Variants in KIAA0825 observed in about 807,000 individuals in gnomAD.
KIAA0825 encodes the protein KIAA0825.
Under a neutral mutation model 147.6 loss-of-function variants are expected in KIAA0825, and 119 were observed. The ratio of observed to expected loss-of-function variants is 0.81; its 90% CI spans 0.69 to 0.94. The LOEUF (loss-of-function observed/expected upper bound fraction) is 0.94. Ranked by LOEUF, KIAA0825 falls within the 40% of genes least tolerant of loss-of-function variation. KIAA0825 has a pLI of 0.00. For synonymous variants in KIAA0825, 470 were observed against 518.1 expected, an observed-to-expected ratio of 0.91 and a Z score of 1.26; for missense variants, 1,381 against 1,472.7, an observed-to-expected ratio of 0.94 and a Z score of 1.02.
At chr5:94,489,993 T>C (rs1277771254) in intron 5 of KIAA0825, among the ~76,000 whole-genome samples, 1 of 151,862 alleles carries the variant, frequency 6.6e-6, no homozygotes, top group Non-Finnish European at 1.5e-5. Context: ...TGTCAAGAAA[T>C]TTATGACTTT....
At chr5:94,601,297 C>T (rs1453021134) in intron 1 of KIAA0825, among the ~76,000 whole-genome samples, 1 of 152,148 alleles carries the variant, frequency 6.6e-6, no homozygotes, top group East Asian at 1.9e-4. Context: ...CAACTAGGGA[C>T]TGGAGCAGAT....
intron 5 of KIAA0825, among the ~76,000 whole-genome samples, chr5:94,515,791 C>CA (rs754577018): frequency 0.031 from 2,858 of 93,400 alleles, 51 homozygotes; most frequent in Middle Eastern, 0.096. Context: ...GACTCTGTCT[C>CA]AAAAAAAAAA....
At chr5:94,538,958 A>G (rs1772698469) in intron 2 of KIAA0825, among the ~76,000 whole-genome samples, 1 of 152,226 alleles carries the variant, frequency 6.6e-6, no homozygotes, top group African/African-American at 2.4e-5. Context: ...CGTCTTGAAT[A>G]GGAGCTGGGT....
At chr5:94,533,282 T>TA (rs1434224978) in intron 3 of KIAA0825, among the ~76,000 whole-genome samples, 3 of 132,652 alleles carry the variant, frequency 2.3e-5, no homozygotes, top group African/African-American at 8.6e-5. Context: ...CCGGCCTTTT[T>TA]TTTTTTTTTT....
At chr5:94,161,215 G>T (rs1323112461) in intron 20 of KIAA0825, among the ~76,000 whole-genome samples, 1 of 152,184 alleles carries the variant, frequency 6.6e-6, no homozygotes, top group African/African-American at 2.4e-5. Context: ...CATCAAACCA[G>T]CAATGACTGC....
chr5:94,601,306 A>C (rs984289690), intron 1 of KIAA0825, among the ~76,000 whole-genome samples: 5 of 152,218 alleles, frequency 3.3e-5, no homozygotes, highest in African/African-American at 1.2e-4. Flanking sequence ...ACTGGAGCAG[A>C]TGCCCAGCAA....
Position 94,443,769 on chromosome 5 carries a change from A to G in KIAA0825, c.2358-3648T>C, listed in dbSNP as rs1262514869. Among the ~76,000 whole-genome samples the G allele has an allele frequency of 2.0e-5, 3 of 152,090 alleles. No homozygotes were observed. The East Asian group carries it at 5.8e-4, about 29-fold the overall frequency. Reference sequence around the variant, plus strand: ...TTTAAACAAAATCTTAGCTGTATCAATCATACTGTCCTGACTTCCAACTTG... The same window carrying G: ...TTTAAACAAAATCTTAGCTGTATCAGTCATACTGTCCTGACTTCCAACTTG... On this transcript the variant is annotated intron_variant, in intron 13 of 20. Coordinates refer to ENST00000682413, the MANE Select transcript of KIAA0825 (RefSeq NM_001145678.3).
intron 20 of KIAA0825, among the ~76,000 whole-genome samples, chr5:94,348,526 A>T (rs755525005): frequency 1.3e-5 from 2 of 152,218 alleles, no homozygotes; most frequent in African/African-American, 4.8e-5. Context: ...TCAGCCAAGA[A>T]TTTTGTATCC....
intron 5 of KIAA0825, among the ~76,000 whole-genome samples, chr5:94,504,234 C>A (rs1356797751): frequency 6.6e-6 from 1 of 152,090 alleles, no homozygotes; most frequent in East Asian, 1.9e-4. Flanking sequence ...CTGTCTTAGC[C>A]TTATACTAAA....
chr5:94,251,297 G>A (rs1196581695), intron 20 of KIAA0825, among the ~76,000 whole-genome samples: 3 of 152,034 alleles, frequency 2.0e-5, no homozygotes, highest in Non-Finnish European at 4.4e-5. Flanking sequence ...AGTCTCCCTT[G>A]GCGGAACGTC....
At position 94,520,719 on chromosome 5, in the gene KIAA0825, G is replaced by A; in HGVS notation, c.499C>T (p.His167Tyr). The A allele has an allele frequency of 1.2e-6, 2 of 1,613,390 alleles. No individual in the cohort carries two copies. The highest frequency in any genetic ancestry group is 1.7e-6 in the Non-Finnish European group (2 of 1,179,464). Residue 167 changes from histidine to tyrosine, a missense_variant, in exon 5 of 21, where the codon CAT becomes TAT. By Grantham distance (83) the His-to-Tyr change is moderately conservative. Transcript: ENST00000682413. ...TTGCTCACTAAGAAGCGTCGAAGAT[G>A]CAGTCTTATATCATCCCACATAGAC... is the stretch of plus-strand genomic sequence containing the variant. ...VKSMWDDIRL[H>Y]LRRFLVSKLQ...
At chr5:94,446,416 A>G (rs1757733288) in intron 13 of KIAA0825, among the ~76,000 whole-genome samples, 1 of 152,316 alleles carries the variant, frequency 6.6e-6, no homozygotes, top group Non-Finnish European at 1.5e-5. Context: ...TGTAGTAAAA[A>G]GGAAGTTAAC....
chr5:94,175,721 A>G (rs1769032048), intron 20 of KIAA0825, among the ~76,000 whole-genome samples: 1 of 152,182 alleles, frequency 6.6e-6, no homozygotes, highest in South Asian at 2.1e-4. Context: ...ATTTCCTTCT[A>G]TATTTACGTG....
intron 2 of KIAA0825, among the ~76,000 whole-genome samples, chr5:94,546,843 A>G (rs1313632119): frequency 6.6e-6 from 1 of 151,716 alleles, no homozygotes; most frequent in Non-Finnish European, 1.5e-5. Context: ...CCATCCAGGA[A>G]AACATGACCT....
intron 20 of KIAA0825, among the ~76,000 whole-genome samples, chr5:94,202,848 A>G (rs1771824406): frequency 6.6e-6 from 1 of 152,206 alleles, no homozygotes; most frequent in Admixed American, 6.5e-5. Flanking sequence ...TGGATATGGT[A>G]ACCTTGACTA....
intron 20 of KIAA0825, among the ~76,000 whole-genome samples, chr5:94,158,229 A>G (rs1268548841): frequency 6.6e-6 from 1 of 152,138 alleles, no homozygotes; most frequent in East Asian, 1.9e-4. Context: ...TGTACTGTCA[A>G]TGACTGATCT....
chr5:94,315,576 C>T (rs1779581460), intron 20 of KIAA0825, among the ~76,000 whole-genome samples: 1 of 151,406 alleles, frequency 6.6e-6, no homozygotes, highest in Non-Finnish European at 1.5e-5. Context: ...CAATAGCTTT[C>T]AAATTCTTAG....
At chr5:94,603,582 C>T (rs1208601624) in intron 1 of KIAA0825, among the ~76,000 whole-genome samples, 1 of 152,178 alleles carries the variant, frequency 6.6e-6, no homozygotes, top group African/African-American at 2.4e-5. Flanking sequence ...CAATATCAAC[C>T]TTAAATGTAA....
intron 5 of KIAA0825, chr5:94,520,034 C>A: frequency 8.9e-7 from 1 of 1,127,594 alleles, no homozygotes; most frequent in South Asian, 3.5e-5. Context: ...CTTATATTTC[C>A]AATATCTTTA....
Sources: gnomAD v4.1 joint callset for allele counts (sites outside exome capture counted in the v4.1 genomes callset) on GRCh38, gnomAD v4.1.1 for gene constraint, MANE v1.5 for transcripts, NCBI Gene and HGNC (gene_info 2026-07-23, HGNC 2026-07-21) for gene names.